The following CLTC variants were observed in gnomAD, a reference collection of about 807,000 sequenced individuals.
CLTC encodes clathrin heavy chain 1.
In CLTC, 16 loss-of-function variants were observed where a neutral mutation model predicts 195.8. The ratio of observed to expected loss-of-function variants is 0.08; its 90% CI spans 0.06 to 0.12. The LOEUF (loss-of-function observed/expected upper bound fraction) is 0.12. CLTC is among the 10% of genes least tolerant of loss of function. The pLI is 1.00. For missense variants in CLTC, 796 were observed against 2,027.0 expected, an observed-to-expected ratio of 0.39 and a Z score of 11.66; for synonymous variants, 667 against 689.4, an observed-to-expected ratio of 0.97 and a Z score of 0.51.
chr17:59,634,572 C>T (rs1279588858), intron 1 of CLTC, among the ~76,000 whole-genome samples: 1 of 152,286 alleles, frequency 6.6e-6, no homozygotes, highest in East Asian at 1.9e-4. Flanking sequence ...AACCTCTCTC[C>T]AACTGTGGTT....
chr17:59,681,524 T>C lies in CLTC; in HGVS notation c.3249+46T>C. 2.5e-6 allele frequency: 4 copies of C among 1,600,652 alleles called. No individual in the cohort carries two copies. The highest frequency in any genetic ancestry group is 3.4e-6 in the Non-Finnish European group (4 of 1,169,666). On this transcript the variant is annotated intron_variant, in intron 20 of 31. Transcript: ENST00000269122. This position sits in a 1 kb window ranked among gnomAD's most constrained non-coding sequence, Gnocchi z 5.0. ...AGTTGAATTACTAAACACTGTGCTA[T>C]GAGGGTGGGCCTAATTGGTTGCTAC...
chr17:59,681,540 T>G lies in CLTC; in HGVS notation c.3249+62T>G. The G allele has an allele frequency of 1.3e-6, 2 of 1,584,950 alleles. No homozygotes were observed. Among genetic ancestry groups the G allele is most frequent in the Non-Finnish European group, 1.7e-6 (2 of 1,158,090 alleles). ...ACTGTGCTATGAGGGTGGGCCTAAT[T>G]GGTTGCTACGGCAATAGAGCAGCAA... On this transcript the variant is annotated intron_variant, in intron 20 of 31. Coordinates refer to ENST00000269122, the MANE Select transcript of CLTC (RefSeq NM_004859.4). This position sits in a 1 kb window ranked among gnomAD's most constrained non-coding sequence, Gnocchi z 5.0.
chr17:59,633,326 A>G (rs555571467), intron 1 of CLTC, among the ~76,000 whole-genome samples: 1 of 152,222 alleles, frequency 6.6e-6, no homozygotes, highest in East Asian at 1.9e-4. Context: ...CCCCGTCTCT[A>G]CTGAAAAAAT....
chr17:59,683,314 T>C lies in CLTC; in HGVS notation c.4041+52T>C. ...GCAACTGTGTAGTTAAAACTAATGC[T>C]TCAAAATATCTTATTCTTTTTAAGG... On this transcript the variant is annotated intron_variant, in intron 25 of 31. Transcript: ENST00000269122. This position sits in a 1 kb window ranked among gnomAD's most constrained non-coding sequence, Gnocchi z 6.1. The C allele has an allele frequency of 1.2e-6, 2 of 1,603,306 alleles. No individual in the cohort carries two copies. The highest frequency in any genetic ancestry group is 1.7e-6 in the Non-Finnish European group (2 of 1,174,262).
chr17:59,634,694 A>ATG (rs2031814762), intron 1 of CLTC, among the ~76,000 whole-genome samples: 1 of 152,208 alleles, frequency 6.6e-6, no homozygotes, highest in Admixed American at 6.5e-5. Context: ...ATATGTTTAA[A>ATG]TGTGGGGACA....
chr17:59,636,914 C>A (rs1455318887), intron 1 of CLTC, among the ~76,000 whole-genome samples: 1 of 151,440 alleles, frequency 6.6e-6, no homozygotes, highest in East Asian at 1.9e-4. Context: ...AGGTGCCCAC[C>A]ACCATGCCCG....
chr17:59,681,597 T>C lies in CLTC; in HGVS notation c.3250-50T>C, dbSNP rs1026980652. ...ACTAACAGCTTAAATGTAATTGCTTTGGGTAGGATTGATTTTACTCTAACC... is the reference window on the plus strand; with the variant it reads ...ACTAACAGCTTAAATGTAATTGCTTCGGGTAGGATTGATTTTACTCTAACC... On this transcript the variant is annotated intron_variant, in intron 20 of 31. Coordinates refer to ENST00000269122, the MANE Select transcript of CLTC (RefSeq NM_004859.4). This position sits in a 1 kb window ranked among gnomAD's most constrained non-coding sequence, Gnocchi z 5.0. 1 of 1,577,754 alleles carries C rather than the reference T, an allele frequency of 6.3e-7. No homozygotes were observed. The highest frequency in any genetic ancestry group is 8.6e-7 in the Non-Finnish European group (1 of 1,156,342).
At chr17:59,668,392 T>C (rs146761254) in intron 13 of CLTC, among the ~76,000 whole-genome samples, 1 of 152,256 alleles carries the variant, frequency 6.6e-6, no homozygotes, top group African/African-American at 2.4e-5. Flanking sequence ...ACAAAAATTT[T>C]CTTAAAAATT....
intron 1 of CLTC, among the ~76,000 whole-genome samples, chr17:59,629,666 G>C (rs184059990): frequency 6.6e-6 from 1 of 151,666 alleles, no homozygotes; most frequent in Non-Finnish European, 1.5e-5. Flanking sequence ...GATTACAGGT[G>C]CCCGCCACCA....
At chr17:59,636,765 T>A (rs930337808) in intron 1 of CLTC, among the ~76,000 whole-genome samples, 1 of 151,830 alleles carries the variant, frequency 6.6e-6, no homozygotes, top group Non-Finnish European at 1.5e-5. Flanking sequence ...GGACATTTTC[T>A]TTCTTTTTCT....
rs1408932036 is a variant in CLTC at position 59,648,124 on chromosome 17, A to G, written c.520-116A>G. ...ATCTACAGTGAGAGATGAAGTGACAAATAATTATAAATCCTGCTAAAGATG... is the reference window on the plus strand; with the variant it reads ...ATCTACAGTGAGAGATGAAGTGACAGATAATTATAAATCCTGCTAAAGATG... On this transcript the variant is annotated intron_variant, in intron 3 of 31. Coordinates refer to ENST00000269122, the MANE Select transcript of CLTC (RefSeq NM_004859.4). The surrounding 1 kb of genome is among the most constrained non-coding windows in gnomAD (Gnocchi z 4.5). 2 of 1,023,160 alleles carry G rather than the reference A, an allele frequency of 2.0e-6. No homozygotes were observed. The highest frequency in any genetic ancestry group is 2.8e-6 in the Non-Finnish European group (2 of 706,232). The allele number at this position is 1,023,160 out of a possible 1,614,324, so 63.4% of individuals were successfully genotyped here. A position where few individuals can be genotyped will look rare whatever the true frequency, so the allele number is the denominator to read the frequency against.
At chr17:59,655,271 A>G (rs992477103) in intron 5 of CLTC, among the ~76,000 whole-genome samples, 2 of 152,210 alleles carry the variant, frequency 1.3e-5, no homozygotes, top group African/African-American at 4.8e-5. Flanking sequence ...GGAAAGGGAA[A>G]GAAACGGGAG....
chr17:59,651,601 A>G (rs947784701), intron 5 of CLTC, among the ~76,000 whole-genome samples: 5 of 152,250 alleles, frequency 3.3e-5, no homozygotes, highest in Admixed American at 2.6e-4. Flanking sequence ...TACACTTAAC[A>G]CTATGCTGTA....
At chr17:59,629,953 G>A (rs944354403) in intron 1 of CLTC, among the ~76,000 whole-genome samples, 24 of 152,170 alleles carry the variant, frequency 1.6e-4, no homozygotes, top group African/African-American at 5.8e-4. Context: ...AAATGGAGAT[G>A]ACTTTCCAGT....
intron 14 of CLTC, among the ~76,000 whole-genome samples, chr17:59,672,296 G>A (rs2032864969): frequency 6.6e-6 from 1 of 152,092 alleles, no homozygotes; most frequent in African/African-American, 2.4e-5. Flanking sequence ...TTGGAATACA[G>A]TTAGTATTCC....
At chr17:59,679,663 T>TTA (rs1356874050) in intron 18 of CLTC, 144 bp downstream of exon 18, 1 of 530,084 alleles carries the variant, frequency 1.9e-6, no homozygotes, top group Non-Finnish European at 2.9e-6. Flanking sequence ...AAATTAAAAT[T>TTA]TATATATATT....
chr17:59,693,878 CTATT>C lies in CLTC; in HGVS notation c.*28_*31del. The C allele has an allele frequency of 6.3e-7, 1 of 1,585,072 alleles. No homozygotes were observed. Among genetic ancestry groups the C allele is most frequent in the Non-Finnish European group, 8.6e-7 (1 of 1,165,952 alleles). On this transcript the variant is annotated 3_prime_UTR_variant, in exon 32 of 32. Coordinates refer to ENST00000269122, the MANE Select transcript of CLTC (RefSeq NM_004859.4). ...GATGAAGCGCTGATCCTGTAGTCAC[CTATT>C]TTCGTACTGAAACATCGTCTTTACC... is the stretch of plus-strand genomic sequence containing the variant.
chr17:59,666,315 T>C lies in CLTC; in HGVS notation c.1782+75T>C, dbSNP rs910945019. 13 of 1,567,780 alleles carry C rather than the reference T, an allele frequency of 8.3e-6. No homozygotes were observed. The highest frequency in any genetic ancestry group is 3.5e-5 in the Admixed American group (2 of 57,716). On this transcript the variant is annotated intron_variant, in intron 11 of 31. Transcript: ENST00000269122. The surrounding 1 kb of genome is among the most constrained non-coding windows in gnomAD (Gnocchi z 4.9). The stretch of plus-strand genomic sequence containing the variant: ...TTGTGCAGCGCCTCTCAGATTGTTA[T>C]GCAAAGCTACTGAGGGGCCTACTCC...
chr17:59,638,898 CA>C (rs1375371727), intron 1 of CLTC, among the ~76,000 whole-genome samples: 1 of 152,150 alleles, frequency 6.6e-6, no homozygotes, highest in African/African-American at 2.4e-5. Flanking sequence ...TTTTACTCCC[CA>C]CCTCCCCCTG....
Sources: gnomAD v4.1 joint callset for allele counts (sites outside exome capture counted in the v4.1 genomes callset) on GRCh38, gnomAD v4.1.1 for gene constraint, Gnocchi (gnomAD v3.1) non-coding constraint, MANE v1.5 for transcripts, NCBI Gene and HGNC (gene_info 2026-07-23, HGNC 2026-07-21) for gene names.